PI4K2B: variants seen among roughly 807,000 people sequenced by gnomAD.
PI4K2B encodes phosphatidylinositol 4-kinase type 2-beta.
A neutral mutation model predicts 56.6 loss-of-function variants in PI4K2B; 46 were observed. The ratio of observed to expected loss-of-function variants is 0.81; its 90% confidence interval spans 0.64 to 1.04. PI4K2B has a LOEUF of 1.04. PI4K2B is among the 50% of genes least tolerant of loss of function. PI4K2B has a pLI of 0.00. For missense variants in PI4K2B, 556 were observed against 607.7 expected (o/e 0.91, Z 0.89); for synonymous variants, 211 against 223.8 (o/e 0.94, Z 0.51).
intron 1 of PI4K2B, among the ~76,000 whole-genome samples, chr4:25,235,201 G>T (rs1231834803): frequency 1.3e-5 from 2 of 152,326 alleles, no homozygotes; most frequent in African/African-American, 2.4e-5. Flanking sequence ...CAAGAGACTT[G>T]TAAGACTCTC....
rs1417878396 is a variant in PI4K2B, at chr4:25,277,131, A to G, written c.1390A>G (p.Ser464Gly). Residue 464 changes from serine to glycine, a missense_variant, in exon 10 of 10, where the codon AGC becomes GGC. By Grantham distance (56) the Ser-to-Gly change is moderately conservative. Transcript: ENST00000264864. ...AAGTCAGGGTCGGATTGTCCACCTG[A>G]GCAATTCCTTTACCCAGACTGTCAA... ...GGSQGRIVHL[S>G]NSFTQTVNCR... The G allele has an allele frequency of 1.2e-6, 2 of 1,613,820 alleles. No individual in the cohort carries two copies. The highest frequency in any genetic ancestry group is 1.7e-6 in the Non-Finnish European group (2 of 1,179,880).
intron 9 of PI4K2B, among the ~76,000 whole-genome samples, chr4:25,274,684 G>A (rs1481299081): frequency 2.0e-5 from 3 of 152,144 alleles, no homozygotes; most frequent in African/African-American, 7.2e-5. Flanking sequence ...GGATTATCAA[G>A]TGTCTTCTGA....
At chr4:25,250,377 T>C (rs1026644585) in intron 1 of PI4K2B, among the ~76,000 whole-genome samples, 2 of 152,124 alleles carry the variant, frequency 1.3e-5, no homozygotes, top group South Asian at 2.1e-4. Context: ...TTCTCACTAA[T>C]AAGTGGGAGC....
chr4:25,236,849 C>T (rs1715282420), intron 1 of PI4K2B, among the ~76,000 whole-genome samples: 1 of 152,084 alleles, frequency 6.6e-6, no homozygotes, highest in South Asian at 2.1e-4. Context: ...AAAATAGTTT[C>T]TGTGAAAACT....
Position 25,256,551 on chromosome 4 carries a change from G to A in PI4K2B, c.633G>A (p.Trp211Ter). The A allele has an allele frequency of 2.0e-5, 32 of 1,612,548 alleles. No homozygotes were observed. Among genetic ancestry groups the A allele is most frequent in the Non-Finnish European group, 2.7e-5 (32 of 1,179,526 alleles). Reference protein sequence around the residue: ...LSIVPKTKVVWLVSETFNYNA... With the variant: ...LSIVPKTKVV Reference sequence around the variant, plus strand: ...GAATTGTATGTTTCTAGGTGGTTTGGCTTGTCAGTGAGACATTTAACTATA... The same window carrying A: ...GAATTGTATGTTTCTAGGTGGTTTGACTTGTCAGTGAGACATTTAACTATA... Residue 211 changes from tryptophan (W) to a stop codon, truncating the protein, a stop_gained, in exon 4 of 10, where the codon TGG becomes TGA. Transcript: ENST00000264864. LOFTEE classifies it high-confidence loss of function.
chr4:25,259,531 C>G (rs1379992679), intron 5 of PI4K2B, among the ~76,000 whole-genome samples: 2 of 152,112 alleles, frequency 1.3e-5, no homozygotes, highest in African/African-American at 2.4e-5. Flanking sequence ...CATTATGTAA[C>G]TCTTAGTGTA....
At chr4:25,237,846 C>T (rs1304276990) in intron 1 of PI4K2B, among the ~76,000 whole-genome samples, 1 of 152,072 alleles carries the variant, frequency 6.6e-6, no homozygotes, top group Non-Finnish European at 1.5e-5. Flanking sequence ...ATAATTGCAC[C>T]ACTATACTCC....
At chr4:25,250,555 T>C (rs182556777) in intron 1 of PI4K2B, 177 of 152,410 alleles carry the variant, frequency 1.2e-3, no homozygotes, top group African/African-American at 4.1e-3. Flanking sequence ...ATTGCTTCTC[T>C]GTCTTTTGGC....
At chr4:25,260,613 TATATA>T in intron 6 of PI4K2B, 22 bp downstream of exon 6, 1 of 227,230 alleles carries the variant, frequency 4.4e-6, no homozygotes, top group Non-Finnish European at 7.7e-6. Flanking sequence ...TACAATTTTA[TATATA>T]TATATATATA....
chr4:25,264,429 G>A (rs1372038579), intron 7 of PI4K2B, among the ~76,000 whole-genome samples: 1 of 152,146 alleles, frequency 6.6e-6, no homozygotes, highest in Non-Finnish European at 1.5e-5. Context: ...TATTTAGGGA[G>A]TTAAATGAAA....
chr4:25,236,465 C>T lies in PI4K2B; in HGVS notation c.268+2034C>T, dbSNP rs187318122. Among the ~76,000 whole-genome samples the T allele has an allele frequency of 1.2e-4, 18 of 151,918 alleles. No individual in the cohort carries two copies. The East Asian group carries it at 2.1e-3, about 18-fold the overall frequency. ...ACTTGGGAGGCTGAGGCAGGAGAAT[C>T]GCTTCTGAACCCGAGAGGTGTAGGT... On this transcript the variant is annotated intron_variant, in intron 1 of 9. Coordinates refer to ENST00000264864, the MANE Select transcript of PI4K2B (RefSeq NM_018323.4).
chr4:25,244,591 C>T (rs555526356), intron 1 of PI4K2B, among the ~76,000 whole-genome samples: 98 of 152,270 alleles, frequency 6.4e-4, no homozygotes, highest in Non-Finnish European at 2.4e-4. Context: ...GCCTCTTTTT[C>T]AGGGTTTATG....
intron 9 of PI4K2B, 149 bp from the exon 10 acceptor site, chr4:25,276,861 AATAC>A (rs1296136057): frequency 1.2e-5 from 12 of 984,874 alleles, no homozygotes; most frequent in East Asian, 1.1e-4. Context: ...ACATTCATAT[AATAC>A]ATATTTATAA....
At chr4:25,260,639 T>A in intron 6 of PI4K2B, 48 bp downstream of exon 6, 1 of 57,212 alleles carries the variant, frequency 1.7e-5, no homozygotes, top group Admixed American at 1.8e-4. Flanking sequence ...TATATATATA[T>A]ATACACACAC....
At chr4:25,273,307 T>C (rs2109026336) in intron 9 of PI4K2B, among the ~76,000 whole-genome samples, 1 of 152,342 alleles carries the variant, frequency 6.6e-6, no homozygotes, top group East Asian at 1.9e-4. Context: ...ATGTGAAATA[T>C]ATTTTCCATG....
chr4:25,239,230 G>C (rs980185005), intron 1 of PI4K2B, among the ~76,000 whole-genome samples: 1 of 152,238 alleles, frequency 6.6e-6, no homozygotes, highest in African/African-American at 2.4e-5. Context: ...CCAGTCCCGT[G>C]CCTTGCGCCC....
At chr4:25,250,136 G>T (rs1001582237) in intron 1 of PI4K2B, among the ~76,000 whole-genome samples, 1 of 152,148 alleles carries the variant, frequency 6.6e-6, no homozygotes, top group Admixed American at 6.5e-5. Context: ...GGAGAATCAG[G>T]CAGGGAGGTT....
At chr4:25,268,390 GTC>G in intron 7 of PI4K2B, 51 bp from the exon 8 acceptor site, 2 of 1,469,946 alleles carry the variant, frequency 1.4e-6, no homozygotes, top group East Asian at 4.6e-5. Context: ...AAAAATGTAA[GTC>G]TAAATAAACC....
chr4:25,255,394 A>AC, intron 3 of PI4K2B, 129 bp downstream of exon 3: 3 of 697,212 alleles, frequency 4.3e-6, no homozygotes, highest in Non-Finnish European at 7.3e-6. Flanking sequence ...TCCAAGAGTC[A>AC]TGAGTGACTG....
Sources: allele counts gnomAD v4.1 joint callset (sites outside exome capture counted in the v4.1 genomes callset), GRCh38; gene constraint gnomAD v4.1.1; transcripts MANE v1.5; gene names NCBI Gene and HGNC (gene_info 2026-07-23, HGNC 2026-07-21).